Variants in ADK observed in about 807,000 individuals in gnomAD.
ADK encodes N6,N6-dimethyladenosine kinase.
ADK carries 24 observed loss-of-function variants against 44.7 expected under a neutral mutation model. The observed-to-expected ratio is 0.54, with a 90% CI of 0.39 to 0.76. The LOEUF is 0.76. ADK is among the 30% of genes least tolerant of loss of function. The pLI, the probability that ADK is intolerant of heterozygous loss-of-function variation, is 0.00. For missense variants in ADK, 321 were observed against 425.1 expected, an observed-to-expected ratio of 0.76 and a Z score of 2.15; for synonymous variants, 128 against 142.6, an observed-to-expected ratio of 0.90 and a Z score of 0.73.
At position 74,410,170 on chromosome 10, in the gene ADK, G is replaced by A. The variant is rs1443332004; in HGVS notation, c.555+11591G>A. ...TTTTTTAGGATTTGGTTATCTTTTG[G>A]CAGTATTTACCAAAAGACATGGTTA... On this transcript the variant is annotated intron_variant, in intron 6 of 10. Coordinates refer to ENST00000539909, the MANE Select transcript of ADK (RefSeq NM_006721.4). 3.3e-5 allele frequency among the ~76,000 whole-genome samples: 5 copies of A among 151,716 alleles called. No homozygotes were observed. The South Asian group carries it at 6.3e-4, about 19-fold the overall frequency.
intron 7 of ADK, among the ~76,000 whole-genome samples, chr10:74,571,003 G>A (rs1385415551): frequency 5.9e-5 from 9 of 152,164 alleles, no homozygotes; most frequent in Non-Finnish European, 1.3e-4. Flanking sequence ...ATGAAGAGTT[G>A]TTGAATTTTA....
intron 6 of ADK, among the ~76,000 whole-genome samples, chr10:74,495,646 C>T (rs569268912): frequency 1.3e-5 from 2 of 152,322 alleles, no homozygotes; most frequent in African/African-American, 2.4e-5. Flanking sequence ...CAGCACTTCA[C>T]CCATTTCCCT....
chr10:74,352,818 C>T (rs1592087737), intron 4 of ADK, among the ~76,000 whole-genome samples: 1 of 152,212 alleles, frequency 6.6e-6, no homozygotes, highest in Admixed American at 6.5e-5. Flanking sequence ...AAAAATTGCT[C>T]ATCATCATTG....
intron 6 of ADK, among the ~76,000 whole-genome samples, chr10:74,507,458 C>A (rs1306183949): frequency 6.6e-6 from 1 of 151,820 alleles, no homozygotes; most frequent in Non-Finnish European, 1.5e-5. Context: ...ACAAAACATC[C>A]AAAAATTAAC....
intron 6 of ADK, among the ~76,000 whole-genome samples, chr10:74,499,644 C>T (rs1041937523): frequency 5.9e-5 from 9 of 151,702 alleles, no homozygotes; most frequent in African/African-American, 1.7e-4. Context: ...GCAGAGATCG[C>T]GCCACTGCAC....
chr10:74,230,057 T>C (rs1290568754), intron 3 of ADK, among the ~76,000 whole-genome samples: 1 of 151,232 alleles, frequency 6.6e-6, no homozygotes, highest in African/African-American at 2.4e-5. Flanking sequence ...TTTTTTTTTT[T>C]TTTTTTTGGT....
intron 6 of ADK, among the ~76,000 whole-genome samples, chr10:74,460,553 G>C (rs933649469): frequency 2.0e-5 from 3 of 152,060 alleles, no homozygotes; most frequent in African/African-American, 7.2e-5. Context: ...GATTCCTATT[G>C]AAGGATACTT....
chr10:74,456,325 T>C (rs533906018), intron 6 of ADK, among the ~76,000 whole-genome samples: 13 of 151,826 alleles, frequency 8.6e-5, no homozygotes, highest in African/African-American at 2.2e-4. Flanking sequence ...ATAATAGAAA[T>C]CATAAAAAAC....
intron 9 of ADK, among the ~76,000 whole-genome samples, chr10:74,605,222 G>A (rs755313064): frequency 5.3e-5 from 8 of 152,104 alleles, no homozygotes; most frequent in African/African-American, 1.9e-4. Flanking sequence ...CTTCCTATTT[G>A]AATACCCTTT....
Position 74,333,048 on chromosome 10 carries a change from G to GA in ADK, c.273+18312dup, listed in dbSNP as rs369156170. On this transcript the variant is annotated intron_variant, in intron 4 of 10. Transcript: ENST00000539909. ...GCTTAAATTGATTTTATAGAAAAAG[G>GA]AAAAAAAAACTAAATATCTTTTCAC... is the stretch of plus-strand genomic sequence containing the variant. Among the ~76,000 whole-genome samples the GA allele has an allele frequency of 2.0e-3, 296 of 149,352 alleles. 7 individuals carry two copies. The South Asian group carries it at 0.056, about 28-fold the overall frequency.
chr10:74,380,493 C>T (rs61863363), intron 4 of ADK, among the ~76,000 whole-genome samples: 72,182 of 151,902 alleles, frequency 0.48, 19,809 homozygotes, highest in Non-Finnish European at 0.62. Context: ...CGCAGTGGCT[C>T]ACATCTGTAA....
chr10:74,649,321 G>C (rs1854170259), intron 9 of ADK, among the ~76,000 whole-genome samples: 1 of 152,134 alleles, frequency 6.6e-6, no homozygotes, highest in Non-Finnish European at 1.5e-5. Context: ...TGCTAGCTTA[G>C]AAGTCTTTTA....
chr10:74,335,518 A>G (rs917217382), intron 4 of ADK, among the ~76,000 whole-genome samples: 4 of 152,198 alleles, frequency 2.6e-5, no homozygotes, highest in Admixed American at 1.3e-4. Flanking sequence ...CTAGAGGGAT[A>G]TTTGAATTGT....
At chr10:74,588,574 A>G (rs1481986474) in intron 7 of ADK, among the ~76,000 whole-genome samples, 1 of 152,204 alleles carries the variant, frequency 6.6e-6, no homozygotes, top group Non-Finnish European at 1.5e-5. Context: ...TAAAGTATTT[A>G]GGTTAGAATA....
chr10:74,525,492 A>G, intron 7 of ADK, 66 bp downstream of exon 7: 1 of 1,348,216 alleles, frequency 7.4e-7, no homozygotes, highest in Admixed American at 1.8e-5. Flanking sequence ...TGATGTGTGT[A>G]TATATGTTTA....
At chr10:74,344,049 A>G (rs1841676684) in intron 4 of ADK, among the ~76,000 whole-genome samples, 2 of 152,182 alleles carry the variant, frequency 1.3e-5, no homozygotes, top group Admixed American at 1.3e-4. Context: ...GTTATGTTAT[A>G]TATAATTTTT....
At chr10:74,456,666 CAAAAAAAAAAA>C (rs71024510) in intron 6 of ADK, among the ~76,000 whole-genome samples, 6 of 63,090 alleles carry the variant, frequency 9.5e-5, no homozygotes, top group African/African-American at 3.3e-4. Flanking sequence ...GACTCCATCT[CAAAAAAAAAAA>C]AAAAAAAAAA....
At chr10:74,556,453 T>A (rs1337170207) in intron 7 of ADK, among the ~76,000 whole-genome samples, 3 of 152,244 alleles carry the variant, frequency 2.0e-5, no homozygotes, top group African/African-American at 7.2e-5. Context: ...TAGCTTCTCT[T>A]GTACTGTTAT....
chr10:74,188,644 G>A (rs558764697), intron 1 of ADK, among the ~76,000 whole-genome samples: 14 of 151,950 alleles, frequency 9.2e-5, no homozygotes, highest in African/African-American at 3.1e-4. Flanking sequence ...GAGCCACTGC[G>A]CCCGGCCACC....
Sources: gnomAD v4.1 joint callset for allele counts (sites outside exome capture counted in the v4.1 genomes callset) on GRCh38, gnomAD v4.1.1 for gene constraint, MANE v1.5 for transcripts, NCBI Gene and HGNC (gene_info 2026-07-23, HGNC 2026-07-21) for gene names.